Variants in FA2H observed in about 807,000 individuals in gnomAD.
FA2H encodes the protein fatty acid 2-hydroxylase.
A neutral mutation model predicts 44.9 loss-of-function variants in FA2H; 22 were observed. The observed-to-expected ratio is 0.49, with a 90% CI of 0.35 to 0.70. The LOEUF (loss-of-function observed/expected upper bound fraction) is 0.70. FA2H is among the 30% of genes least tolerant of loss of function. The probability of loss-of-function intolerance (pLI) is 0.01; values close to 1 mark genes in which losing one functional copy is unlikely to be tolerated. For missense variants in FA2H, 501 were observed against 504.9 expected (o/e 0.99, Z 0.07); for synonymous variants, 243 against 213.2 (o/e 1.14, Z -1.22).
At chr16:74,753,162 C>CA (rs1403298490) in intron 1 of FA2H, among the ~76,000 whole-genome samples, 1 of 152,188 alleles carries the variant, frequency 6.6e-6, no homozygotes, top group Non-Finnish European at 1.5e-5. Context: ...GCAGGGGAGG[C>CA]AGGGCGTGAG....
intron 2 of FA2H, among the ~76,000 whole-genome samples, chr16:74,731,797 T>C (rs1016958046): frequency 2.6e-5 from 4 of 152,266 alleles, no homozygotes; most frequent in Non-Finnish European, 4.4e-5. Context: ...TTTGGTATTT[T>C]CCTTGCAGTT....
intron 1 of FA2H, among the ~76,000 whole-genome samples, chr16:74,750,714 T>C (rs1471360936): frequency 1.3e-5 from 2 of 152,062 alleles, no homozygotes; most frequent in Non-Finnish European, 2.9e-5. Context: ...TGGTGTGTTC[T>C]AGAAGACAAG....
rs1193184655 is a variant in FA2H, at chr16:74,774,804, C to T, written c.-49G>A. 4 of 1,258,700 alleles carry T rather than the reference C, an allele frequency of 3.2e-6. No homozygotes were observed. The highest frequency in any genetic ancestry group is 4.0e-6 in the Non-Finnish European group (4 of 1,006,146). The allele number at this position is 1,258,700 out of a possible 1,614,324, so 78.0% of individuals were successfully genotyped here. A position where few individuals can be genotyped will look rare whatever the true frequency, so the allele number is the denominator to read the frequency against. ...GCGCAGCCCGGCGTCTGCTCTGCTG[C>T]CACCCTGAGCGCCTCTAACATCCCG... On this transcript the variant is annotated 5_prime_UTR_variant, in exon 1 of 7. Transcript: ENST00000219368.
At chr16:74,723,186 C>T (rs2144611901) in intron 4 of FA2H, among the ~76,000 whole-genome samples, 1 of 152,276 alleles carries the variant, frequency 6.6e-6, no homozygotes, top group South Asian at 2.1e-4. Flanking sequence ...GGCATTTTTT[C>T]TCTGTACTGT....
intron 2 of FA2H, among the ~76,000 whole-genome samples, chr16:74,729,004 A>ATTTTTTTTTTT (rs35360701): frequency 1.3e-4 from 5 of 38,992 alleles, no homozygotes; most frequent in Admixed American, 3.9e-4. Context: ...GATGGTCTTG[A>ATTTTTTTTTTT]TTTTTTTTTT....
chr16:74,748,694 AG>A lies in FA2H; in HGVS notation c.271-8580del. Reference sequence around the variant, plus strand: ...GGGGGAGAGAACAGAGAAGAACAACAGAAAGTCTGCGCTCTGCACCACAAAC... The same window carrying A: ...GGGGGAGAGAACAGAGAAGAACAACAAAAGTCTGCGCTCTGCACCACAAAC... On this transcript the variant is annotated intron_variant, in intron 1 of 6. Transcript: ENST00000219368. Among the ~76,000 whole-genome samples, 3 of 152,000 alleles carry A rather than the reference AG, an allele frequency of 2.0e-5. No homozygotes were observed. In the South Asian group the frequency reaches 6.2e-4, roughly 32 times the overall value.
intron 2 of FA2H, among the ~76,000 whole-genome samples, chr16:74,727,798 A>G (rs889644905): frequency 2.0e-5 from 3 of 152,236 alleles, no homozygotes; most frequent in Middle Eastern, 3.2e-3. Flanking sequence ...TCTGAAGTTT[A>G]AAGTCTTGCT....
At chr16:74,740,379 G>A (rs1962268486) in intron 1 of FA2H, among the ~76,000 whole-genome samples, 2 of 152,082 alleles carry the variant, frequency 1.3e-5, no homozygotes, top group Non-Finnish European at 2.9e-5. Context: ...CACTTTGGGA[G>A]GTCAAGATGG....
intron 4 of FA2H, among the ~76,000 whole-genome samples, chr16:74,723,122 G>A (rs1176004160): frequency 6.6e-6 from 1 of 152,186 alleles, no homozygotes; most frequent in African/African-American, 2.4e-5. Context: ...AGGGTACTAC[G>A]TTGGATTGCA....
intron 1 of FA2H, among the ~76,000 whole-genome samples, chr16:74,756,407 G>A (rs1045104964): frequency 6.6e-6 from 1 of 152,130 alleles, no homozygotes; most frequent in Non-Finnish European, 1.5e-5. Context: ...GCTGCCGCTT[G>A]CAAGGGTTTC....
intron 5 of FA2H, 105 bp downstream of exon 5, chr16:74,718,883 C>T (rs1961766652): frequency 1.5e-6 from 2 of 1,368,646 alleles, no homozygotes; most frequent in East Asian, 2.4e-5. Context: ...TCCCAACCCA[C>T]AGCCAGACTC....
intron 4 of FA2H, among the ~76,000 whole-genome samples, chr16:74,722,942 T>G (rs1365570105): frequency 6.6e-6 from 1 of 151,452 alleles, no homozygotes; most frequent in Non-Finnish European, 1.5e-5. Flanking sequence ...AAATCTGTCT[T>G]CTGCCCCAAA....
At chr16:74,747,968 G>C (rs1319100091) in intron 1 of FA2H, among the ~76,000 whole-genome samples, 1 of 152,142 alleles carries the variant, frequency 6.6e-6, no homozygotes, top group Non-Finnish European at 1.5e-5. Flanking sequence ...GGCATCCGAG[G>C]AGCCGTGGAG....
chr16:74,732,646 C>G (rs1962096743), intron 2 of FA2H, among the ~76,000 whole-genome samples: 1 of 151,922 alleles, frequency 6.6e-6, no homozygotes, highest in African/African-American at 2.4e-5. Flanking sequence ...ACCATGTTGA[C>G]CAGACTGGTC....
chr16:74,732,027 C>A (rs1962080571), intron 2 of FA2H, among the ~76,000 whole-genome samples: 1 of 152,184 alleles, frequency 6.6e-6, no homozygotes, highest in Admixed American at 6.5e-5. Context: ...CTCACGCCAC[C>A]ATGCCCAGCT....
At chr16:74,749,582 T>A (rs62051099) in intron 1 of FA2H, among the ~76,000 whole-genome samples, 32,326 of 152,164 alleles carry the variant, frequency 0.21, 4,049 homozygotes, top group Non-Finnish European at 0.27. Context: ...CTTCTGCTCG[T>A]GAAGTGAACT....
At chr16:74,758,586 A>G (rs1962655551) in intron 1 of FA2H, among the ~76,000 whole-genome samples, 1 of 152,136 alleles carries the variant, frequency 6.6e-6, no homozygotes, top group Admixed American at 6.6e-5. Context: ...TTTGACATCA[A>G]TCCTAACGAA....
At chr16:74,770,916 A>C (rs968849223) in intron 1 of FA2H, among the ~76,000 whole-genome samples, 1 of 152,352 alleles carries the variant, frequency 6.6e-6, no homozygotes, top group African/African-American at 2.4e-5. Flanking sequence ...GGTCAGAAGC[A>C]CATGTGAGAC....
chr16:74,764,789 G>A (rs2144662300), intron 1 of FA2H, among the ~76,000 whole-genome samples: 1 of 152,114 alleles, frequency 6.6e-6, no homozygotes, highest in South Asian at 2.1e-4. Context: ...GAGTCTATGT[G>A]CTTTAGAGAA....
Sources: gnomAD v4.1 joint callset for allele counts (sites outside exome capture counted in the v4.1 genomes callset) on GRCh38, gnomAD v4.1.1 for gene constraint, MANE v1.5 for transcripts, NCBI Gene and HGNC (gene_info 2026-07-23, HGNC 2026-07-21) for gene names.